The following RXFP1 variants were observed in gnomAD, a reference collection of about 807,000 sequenced individuals.
The protein encoded by RXFP1 is relaxin receptor 1.
In RXFP1, 73 loss-of-function variants were observed where a neutral mutation model predicts 89.8. That is an observed-to-expected ratio of 0.81 (90% CI 0.67 to 0.99). The LOEUF (loss-of-function observed/expected upper bound fraction) is 0.99. Ranked by LOEUF, RXFP1 falls within the 50% of genes least tolerant of loss-of-function variation. RXFP1 has a pLI of 0.00. For synonymous variants in RXFP1, 277 were observed against 305.5 expected (o/e 0.91, Z 0.97); for missense variants, 793 against 895.5 (o/e 0.89, Z 1.46).
At position 158,651,907 on chromosome 4, in the gene RXFP1, G is replaced by T. The variant is rs1276903652; in HGVS notation, c.2126G>T (p.Gly709Val). Reference protein sequence around the residue: ...YRQRKSMDSKGQKTYAPSFIW... With the variant: ...YRQRKSMDSKVQKTYAPSFIW... ...CAAAGAAAATCTATGGACAGCAAAG[G>T]TCAGAAAACATATGCTCCATCATTC... Residue 709 changes from glycine to valine, a missense_variant, in exon 18 of 18, where the codon GGT becomes GTT. Coordinates refer to ENST00000307765, the MANE Select transcript of RXFP1 (RefSeq NM_021634.4). 3.7e-6 allele frequency: 6 copies of T among 1,613,982 alleles called. No homozygotes were observed. The African/African-American group carries it at 6.7e-5, about 18-fold the overall frequency.
rs1762803207 is a variant in RXFP1 at position 158,607,918 on chromosome 4, GC to G, written c.465-53del. ...CCATCCACAGAATTCTTTTTGTCTT[GC>G]AAAAGTGAAACTCTGCTTCATTTTT... On this transcript the variant is annotated intron_variant, in intron 5 of 17. Coordinates refer to ENST00000307765, the MANE Select transcript of RXFP1 (RefSeq NM_021634.4). 2.4e-6 allele frequency: 3 copies of G among 1,226,232 alleles called. No homozygotes were observed. The African/African-American group carries it at 4.7e-5, about 19-fold the overall frequency. The allele number at this position is 1,226,232 out of a possible 1,614,324, so 76.0% of individuals were successfully genotyped here. A position where few individuals can be genotyped will look rare whatever the true frequency, so the allele number is the denominator to read the frequency against.
chr4:158,544,009 T>G (rs922653147), intron 1 of RXFP1: 28 of 985,342 alleles, frequency 2.8e-5, no homozygotes, highest in Non-Finnish European at 3.4e-5. Context: ...ACCTTGGGCA[T>G]TTAAATATAA....
intron 14 of RXFP1, among the ~76,000 whole-genome samples, chr4:158,644,606 G>A (rs992303352): frequency 2.0e-5 from 3 of 152,066 alleles, no homozygotes; most frequent in Non-Finnish European, 2.9e-5. Context: ...GTACGATAAC[G>A]GTTTCTCTGG....
intron 1 of RXFP1, among the ~76,000 whole-genome samples, chr4:158,551,136 A>G (rs1052341638): frequency 7.2e-5 from 11 of 152,212 alleles, no homozygotes; most frequent in African/African-American, 2.7e-4. Flanking sequence ...TCAGCCTTTT[A>G]AAGGAAAGAA....
At chr4:158,649,820 A>G (rs1215667419) in intron 17 of RXFP1, among the ~76,000 whole-genome samples, 1 of 152,226 alleles carries the variant, frequency 6.6e-6, no homozygotes, top group African/African-American at 2.4e-5. Flanking sequence ...AAACCATCCA[A>G]TGGTTTAGTT....
At chr4:158,596,418 G>A (rs982461677) in intron 3 of RXFP1, among the ~76,000 whole-genome samples, 19 of 151,842 alleles carry the variant, frequency 1.3e-4, no homozygotes, top group Non-Finnish European at 8.8e-5. Flanking sequence ...GTGCCACCAC[G>A]CCTGGCTAAT....
At chr4:158,522,091 G>A in intron 1 of RXFP1, 66 bp downstream of exon 1, 3 of 888,710 alleles carry the variant, frequency 3.4e-6, no homozygotes, top group Non-Finnish European at 5.4e-6. Flanking sequence ...AAGCACAAAT[G>A]TTTACTCCTT....
chr4:158,598,333 T>A (rs1005205845), intron 3 of RXFP1, among the ~76,000 whole-genome samples: 2 of 152,192 alleles, frequency 1.3e-5, no homozygotes, highest in African/African-American at 4.8e-5. Context: ...CCTATTCTAA[T>A]ATGGCAACAG....
At chr4:158,631,470 A>C (rs1369438982) in intron 11 of RXFP1, among the ~76,000 whole-genome samples, 3 of 152,234 alleles carry the variant, frequency 2.0e-5, no homozygotes, top group Non-Finnish European at 4.4e-5. Flanking sequence ...CTCACGTTTC[A>C]GAAAGGAAGC....
chr4:158,609,408 T>A (rs1456144504), intron 6 of RXFP1, among the ~76,000 whole-genome samples: 3 of 151,134 alleles, frequency 2.0e-5, no homozygotes, highest in Non-Finnish European at 3.0e-5. Flanking sequence ...GTGCTTCTTT[T>A]AAAAAAAAAG....
intron 2 of RXFP1, among the ~76,000 whole-genome samples, chr4:158,588,656 C>G (rs1238525248): frequency 6.6e-6 from 1 of 152,182 alleles, no homozygotes; most frequent in Non-Finnish European, 1.5e-5. Flanking sequence ...GATCCCAAAT[C>G]CTGGCTCTAC....
In RXFP1 at chr4:158,527,280, C is replaced by T. The variant is rs535066405; in HGVS notation, c.49+5255C>T. Among the ~76,000 whole-genome samples the T allele has an allele frequency of 3.4e-3, 512 of 152,078 alleles. 2 individuals are homozygous for T. Among genetic ancestry groups the T allele is most frequent in the Non-Finnish European group, 5.7e-3 (385 of 67,982 alleles). ...ATAGTTGGCCAGGCATGGTGGCTCA[C>T]GCCTGTAATCCCAGCACTTTGGGAG... On this transcript the variant is annotated intron_variant, in intron 1 of 17. Transcript: ENST00000307765.
intron 3 of RXFP1, 101 bp downstream of exon 3, chr4:158,593,600 G>A (rs1420994621): frequency 4.9e-6 from 3 of 615,296 alleles, no homozygotes; most frequent in Non-Finnish European, 7.9e-6. Flanking sequence ...TCTCAATCTG[G>A]AAATCAGTTT....
At chr4:158,563,849 A>C (rs1487774381) in intron 1 of RXFP1, among the ~76,000 whole-genome samples, 1 of 148,178 alleles carries the variant, frequency 6.7e-6, no homozygotes, top group African/African-American at 2.5e-5. Context: ...TAATGTTATA[A>C]CATTATATTA....
chr4:158,586,065 C>T (rs1758252576), intron 2 of RXFP1, among the ~76,000 whole-genome samples: 1 of 152,140 alleles, frequency 6.6e-6, no homozygotes, highest in Non-Finnish European at 1.5e-5. Context: ...CTAACCTAGG[C>T]CACTTATGAA....
intron 9 of RXFP1, among the ~76,000 whole-genome samples, chr4:158,622,961 C>T (rs1358432352): frequency 6.6e-6 from 1 of 151,974 alleles, no homozygotes; most frequent in Admixed American, 6.5e-5. Context: ...GGCTATATAC[C>T]TTAAGTATAC....
chr4:158,562,111 T>A (rs982771507), intron 1 of RXFP1, among the ~76,000 whole-genome samples: 1 of 152,196 alleles, frequency 6.6e-6, no homozygotes, highest in Non-Finnish European at 1.5e-5. Flanking sequence ...AGTAGGTTCA[T>A]CTGTTATTCC....
At chr4:158,548,011 C>A (rs1748983552) in intron 1 of RXFP1, among the ~76,000 whole-genome samples, 1 of 152,222 alleles carries the variant, frequency 6.6e-6, no homozygotes, top group East Asian at 1.9e-4. Context: ...TCCTTGTTAA[C>A]TTTCTGTCTC....
chr4:158,562,340 C>T (rs970828807), intron 1 of RXFP1, among the ~76,000 whole-genome samples: 15 of 151,052 alleles, frequency 9.9e-5, no homozygotes, highest in East Asian at 2.0e-4. Flanking sequence ...CCGGCTAAAA[C>T]GGTGAAACCC....
Sources: allele counts gnomAD v4.1 joint callset (sites outside exome capture counted in the v4.1 genomes callset), GRCh38; gene constraint gnomAD v4.1.1; transcripts MANE v1.5; gene names NCBI Gene and HGNC (gene_info 2026-07-23, HGNC 2026-07-21).